Variants in DROSHA observed in about 807,000 individuals in gnomAD.
The protein encoded by DROSHA is drosha ribonuclease III.
A neutral mutation model predicts 181.9 loss-of-function variants in DROSHA; 56 were observed. That is an observed-to-expected ratio of 0.31 (90% CI 0.25 to 0.38). The LOEUF (loss-of-function observed/expected upper bound fraction) is 0.38, where lower values mean the gene tolerates loss of function less well. Ranked by LOEUF, DROSHA falls within the 10% of genes least tolerant of loss-of-function variation. DROSHA has a pLI of 1.00. For synonymous variants in DROSHA, 524 were observed against 591.2 expected (o/e 0.89, Z 1.65); for missense variants, 1,218 against 1,743.5 (o/e 0.70, Z 5.37).
intron 19 of DROSHA, among the ~76,000 whole-genome samples, chr5:31,464,669 A>C (rs1336331786): frequency 3.3e-5 from 5 of 151,466 alleles, no homozygotes; most frequent in African/African-American, 1.2e-4. Flanking sequence ...TGAGCATGTA[A>C]AATTTTTATC....
rs1561109830 is a variant in DROSHA, at chr5:31,406,759, A to G, written c.3947+94T>C. On this transcript the variant is annotated intron_variant, in intron 34 of 35. Transcript: ENST00000344624. ...CTTGAACATTTTATTCTCTGAGTTA[A>G]AAAAGACAGATGACTGAGTTTGGAG... 3 of 1,166,102 alleles carry G rather than the reference A, an allele frequency of 2.6e-6. No individual in the cohort carries two copies. The East Asian group carries it at 7.3e-5, about 28-fold the overall frequency. 72.2% of individuals were successfully genotyped at this position (1,166,102 alleles called of 1,614,324 possible).
rs764434940 is a variant in DROSHA at position 31,514,700 on chromosome 5, C to A, written c.1290+288G>T. On this transcript the variant is annotated intron_variant, in intron 8 of 35. Coordinates refer to ENST00000344624, the MANE Select transcript of DROSHA (RefSeq NM_001382508.1). This position sits in a 1 kb window ranked among gnomAD's most constrained non-coding sequence, Gnocchi z 4.4. ...AAGATATTTTAATTAACCTACTGCA[C>A]TCTTGGCTTTTAGCTTTTTAAAACG... Among the ~76,000 whole-genome samples, 3 of 152,162 alleles carry A rather than the reference C, an allele frequency of 2.0e-5. No individual in the cohort carries two copies. The highest frequency in any genetic ancestry group is 2.9e-5 in the Non-Finnish European group (2 of 68,024).
chr5:31,428,450 T>A (rs896376766), intron 27 of DROSHA, among the ~76,000 whole-genome samples: 23 of 152,178 alleles, frequency 1.5e-4, no homozygotes, highest in Non-Finnish European at 2.6e-4. Flanking sequence ...CTGATACAGA[T>A]GCAAATCAAG....
At chr5:31,507,384 C>T (rs1016712584) in intron 10 of DROSHA, among the ~76,000 whole-genome samples, 5 of 132,434 alleles carry the variant, frequency 3.8e-5, no homozygotes, top group African/African-American at 1.4e-4. Flanking sequence ...CACTTGAACC[C>T]AGGAGGCAGA....
intron 23 of DROSHA, among the ~76,000 whole-genome samples, chr5:31,440,799 A>ATATTACAT (rs1169495714): frequency 7.9e-5 from 12 of 152,188 alleles, no homozygotes; most frequent in Admixed American, 7.9e-4. Context: ...ATATTGTATA[A>ATATTACAT]AATTACCTTC....
chr5:31,408,934 G>C (rs1740978203), intron 33 of DROSHA, 122 bp downstream of exon 33: 4 of 870,928 alleles, frequency 4.6e-6, no homozygotes, highest in Admixed American at 5.8e-5. Context: ...TAACAGCCAA[G>C]AAGTCTCAAT....
intron 20 of DROSHA, among the ~76,000 whole-genome samples, chr5:31,452,169 G>A (rs1747112777): frequency 6.6e-6 from 1 of 151,980 alleles, no homozygotes; most frequent in Non-Finnish European, 1.5e-5. Context: ...ACTTTTTTAG[G>A]GTCAAGATAT....
chr5:31,454,430 ATTTCT>A (rs1375445829), intron 20 of DROSHA, among the ~76,000 whole-genome samples: 1 of 152,190 alleles, frequency 6.6e-6, no homozygotes, highest in Non-Finnish European at 1.5e-5. Context: ...AAGCCATATT[ATTTCT>A]TTTATCACTG....
chr5:31,508,766 C>T lies in DROSHA; in HGVS notation c.1442G>A (p.Ser481Asn). ...TKLDEDLESS[S>N]ESECESDEDS... ...CTCATCAGACTCACACTCGGATTCA[C>T]TGGAACTCTCTAACAGGGGTTGGGA... The change falls in exon 10 of 36, where the codon AGT (serine) becomes AAT (asparagine). Residue 481 changes from serine (S) to asparagine (N), a missense_variant. This residue lies in a region of DROSHA where 460 missense variants were observed against 774.2 expected (regional missense o/e 0.59). Transcript: ENST00000344624. 1 of 1,613,532 alleles carries T rather than the reference C, an allele frequency of 6.2e-7. No homozygotes were observed. Among genetic ancestry groups the T allele is most frequent in the Non-Finnish European group, 8.5e-7 (1 of 1,179,730 alleles).
intron 5 of DROSHA, among the ~76,000 whole-genome samples, chr5:31,523,593 T>C (rs1020544203): frequency 1.3e-5 from 2 of 152,224 alleles, no homozygotes; most frequent in Non-Finnish European, 2.9e-5. Context: ...GCAAAATTAT[T>C]AACAATTACT....
At chr5:31,464,687 A>T (rs989047083) in intron 19 of DROSHA, among the ~76,000 whole-genome samples, 22 of 151,928 alleles carry the variant, frequency 1.4e-4, no homozygotes, top group African/African-American at 4.3e-4. Context: ...ATCAAGCCTC[A>T]TGTTAAGTAT....
At chr5:31,432,531 GGGGACCCCTCT>G (rs1580070681) in intron 25 of DROSHA, among the ~76,000 whole-genome samples, 2 of 152,182 alleles carry the variant, frequency 1.3e-5, no homozygotes, top group Non-Finnish European at 2.9e-5. Context: ...GTGACGATTT[GGGGACCCCTCT>G]GCACTTGTGT....
chr5:31,445,077 C>T (rs1201474171), intron 23 of DROSHA, among the ~76,000 whole-genome samples: 1 of 152,202 alleles, frequency 6.6e-6, no homozygotes, highest in Non-Finnish European at 1.5e-5. Context: ...ACTCTGCCCA[C>T]CTTTAATCAA....
chr5:31,443,779 G>A (rs1290404878), intron 23 of DROSHA, among the ~76,000 whole-genome samples: 1 of 152,114 alleles, frequency 6.6e-6, no homozygotes, highest in African/African-American at 2.4e-5. Context: ...ACTGCTGACC[G>A]TAACCCTTCT....
chr5:31,521,002 A>G (rs975144218), intron 6 of DROSHA, 121 bp downstream of exon 6: 4 of 841,616 alleles, frequency 4.8e-6, no homozygotes, highest in Non-Finnish European at 7.4e-6. Context: ...AGCTTTTCAC[A>G]GGTCATCTTG....
intron 6 of DROSHA, among the ~76,000 whole-genome samples, chr5:31,515,808 C>A (rs777482904): frequency 9.2e-5 from 14 of 152,138 alleles, no homozygotes; most frequent in Non-Finnish European, 1.3e-4. Context: ...GGCATTACTA[C>A]TTGGTGAACC....
In DROSHA at chr5:31,451,189, C is replaced by T. The variant is rs116854159; in HGVS notation, c.2682+344G>A. On this transcript the variant is annotated intron_variant, in intron 21 of 35. Transcript: ENST00000344624. Reference sequence around the variant, plus strand: ...TGCACTCCAGCCTGGGAAACAAGAGCGAAACTCTGTACCAGAAAAGAAAAA... The same window carrying T: ...TGCACTCCAGCCTGGGAAACAAGAGTGAAACTCTGTACCAGAAAAGAAAAA... 5.3e-3 allele frequency among the ~76,000 whole-genome samples: 795 copies of T among 151,400 alleles called. 7 individuals are homozygous for T. Among genetic ancestry groups the T allele is most frequent in the East Asian group, 0.024 (124 of 5,142 alleles).
intron 30 of DROSHA, among the ~76,000 whole-genome samples, chr5:31,421,021 T>C (rs1227490262): frequency 1.3e-5 from 2 of 152,248 alleles, no homozygotes; most frequent in Non-Finnish European, 2.9e-5. Context: ...TGTCAACTTA[T>C]CTTTGTTCCT....
chr5:31,469,618 T>G (rs146401496), intron 17 of DROSHA, among the ~76,000 whole-genome samples: 1 of 152,252 alleles, frequency 6.6e-6, no homozygotes, highest in African/African-American at 2.4e-5. Context: ...AACTGTGGAA[T>G]AGAATGCTAT....
Sources: gnomAD v4.1 joint callset for allele counts (sites outside exome capture counted in the v4.1 genomes callset) on GRCh38, gnomAD v4.1.1 for gene constraint, gnomAD v4.1.1 regional missense constraint, Gnocchi (gnomAD v3.1) non-coding constraint, MANE v1.5 for transcripts, NCBI Gene and HGNC (gene_info 2026-07-23, HGNC 2026-07-21) for gene names.